ERN1: variants seen among roughly 807,000 people sequenced by gnomAD.
The protein encoded by ERN1 is endoplasmic reticulum to nucleus signaling 1.
A neutral mutation model predicts 113.1 loss-of-function variants in ERN1; 39 were observed. The observed-to-expected ratio is 0.34, with a 90% CI of 0.27 to 0.45. ERN1 has a LOEUF of 0.45. Ranked by LOEUF, ERN1 falls within the 20% of genes least tolerant of loss-of-function variation. The probability of loss-of-function intolerance (pLI) is 1.00; values close to 1 mark genes in which losing one functional copy is unlikely to be tolerated. For synonymous variants in ERN1, 507 were observed against 515.9 expected (o/e 0.98, Z 0.23); for missense variants, 976 against 1,274.8 (o/e 0.77, Z 3.57).
intron 2 of ERN1, among the ~76,000 whole-genome samples, chr17:64,081,509 T>C (rs528635624): frequency 6.6e-6 from 1 of 152,298 alleles, no homozygotes; most frequent in Admixed American, 6.5e-5. Flanking sequence ...AGAGGGCTAA[T>C]AAAATTTTAA....
chr17:64,113,006 C>T (rs893067206), intron 1 of ERN1, among the ~76,000 whole-genome samples: 3 of 152,190 alleles, frequency 2.0e-5, no homozygotes, highest in East Asian at 1.9e-4. Context: ...ATCAGAAGAT[C>T]GGGCCTTAAT....
chr17:64,105,652 C>A (rs1226402992), intron 1 of ERN1, among the ~76,000 whole-genome samples: 1 of 152,076 alleles, frequency 6.6e-6, no homozygotes, highest in Non-Finnish European at 1.5e-5. Flanking sequence ...ATAATCCCAA[C>A]TTTAGTTTTA....
At chr17:64,088,306 A>G (rs1040981095) in intron 2 of ERN1, among the ~76,000 whole-genome samples, 2 of 152,256 alleles carry the variant, frequency 1.3e-5, no homozygotes, top group East Asian at 3.9e-4. Flanking sequence ...TGACCCCCAT[A>G]ACGCAGCAAT....
chr17:64,043,604 A>C lies in ERN1; in HGVS notation c.*384T>G. The C allele has an allele frequency of 6.0e-6, 1 of 167,536 alleles. No individual in the cohort carries two copies. Among genetic ancestry groups the C allele is most frequent in the Non-Finnish European group, 1.3e-5 (1 of 78,564 alleles). 10.4% of individuals were successfully genotyped at this position (167,536 alleles called of 1,614,324 possible). A position where few individuals can be genotyped will look rare whatever the true frequency, so the allele number is the denominator to read the frequency against. On this transcript the variant is annotated 3_prime_UTR_variant, in exon 22 of 22. Transcript: ENST00000433197. ...CTCAGCCTAGCTGTCCCAGCACGCA[A>C]GCAAAATGTACGATTCCCTCCTCTC...
chr17:64,126,402 G>C (rs1284009273), intron 1 of ERN1, among the ~76,000 whole-genome samples: 1 of 152,104 alleles, frequency 6.6e-6, no homozygotes, highest in East Asian at 1.9e-4. Flanking sequence ...GAAAAACGGA[G>C]TCCAAATCTG....
Position 64,044,132 on chromosome 17 carries a change from C to T in ERN1, c.2790G>A (p.Val930=), listed in dbSNP as rs770996053. Residue 930 remains valine, a synonymous_variant, in exon 22 of 22, where the codon GTG becomes GTA. Coordinates refer to ENST00000433197, the MANE Select transcript of ERN1 (RefSeq NM_001433.5). This position sits in a 1 kb window ranked among gnomAD's most constrained non-coding sequence, Gnocchi z 4.1. ...ETLGSLPDDF[V]CYFTSRFPHL... ...GGGGGAAGCGAGATGTGAAGTAGCA[C>T]ACGAAGTCGTCGGGGAGGGACCCCA... 1.9e-6 allele frequency: 3 copies of T among 1,608,610 alleles called. No homozygotes were observed. Among genetic ancestry groups the T allele is most frequent in the East Asian group, 2.2e-5 (1 of 44,632 alleles).
chr17:64,100,292 T>C (rs1330037063), intron 1 of ERN1, among the ~76,000 whole-genome samples: 1 of 152,008 alleles, frequency 6.6e-6, no homozygotes, highest in Non-Finnish European at 1.5e-5. Flanking sequence ...GATGGCTGGA[T>C]TATGTTAGGT....
chr17:64,041,185 A>C lies in ERN1; in HGVS notation c.*2803T>G, dbSNP rs546020979. ...AACAAACGAAAAAACACTGAAATTAAAAAGACTCAAGAAGCAACAAGAGAA... is the reference window on the plus strand; with the variant it reads ...AACAAACGAAAAAACACTGAAATTACAAAGACTCAAGAAGCAACAAGAGAA... On this transcript the variant is annotated 3_prime_UTR_variant, in exon 22 of 22. Coordinates refer to ENST00000433197, the MANE Select transcript of ERN1 (RefSeq NM_001433.5). The C allele has an allele frequency of 6.6e-6, 1 of 152,210 alleles. No homozygotes were observed. The highest frequency in any genetic ancestry group is 1.5e-5 in the Non-Finnish European group (1 of 68,062). 9.4% of individuals were successfully genotyped at this position (152,210 alleles called of 1,614,324 possible). A position where few individuals can be genotyped will look rare whatever the true frequency, so the allele number is the denominator to read the frequency against.
Position 64,049,255 on chromosome 17 carries a change from C to T in ERN1, c.2254-53G>A, listed in dbSNP as rs140686727. On this transcript the variant is annotated intron_variant, in intron 17 of 21. Coordinates refer to ENST00000433197, the MANE Select transcript of ERN1 (RefSeq NM_001433.5). The surrounding 1 kb of genome is among the most constrained non-coding windows in gnomAD (Gnocchi z 4.7). ...TCTGGGAGCAGAGTTTTCATCCTCA[C>T]TCACAGTCAGGGAGGGAGGAGCATT... 28,702 of 1,511,394 alleles carry T rather than the reference C, an allele frequency of 0.019. 352 individuals are homozygous for T. The highest frequency in any genetic ancestry group is 0.054 in the Middle Eastern group (302 of 5,618). 93.6% of individuals were successfully genotyped at this position (1,511,394 alleles called of 1,614,324 possible).
intron 3 of ERN1, 199 bp downstream of exon 3, chr17:64,080,576 C>T (rs1852112203): frequency 1.9e-6 from 1 of 537,828 alleles, no homozygotes; most frequent in South Asian, 2.4e-5. Flanking sequence ...TTTAAAACCA[C>T]TACCCTTCTC....
intron 1 of ERN1, among the ~76,000 whole-genome samples, chr17:64,113,656 C>G (rs191094783): frequency 6.6e-6 from 1 of 150,876 alleles, no homozygotes; most frequent in Non-Finnish European, 1.5e-5. Flanking sequence ...ATTATAGGCA[C>G]GAGTCACCAT....
At chr17:64,053,786 A>G (rs946108435) in intron 15 of ERN1, among the ~76,000 whole-genome samples, 3 of 152,166 alleles carry the variant, frequency 2.0e-5, no homozygotes, top group Non-Finnish European at 4.4e-5. Context: ...AGACATGCCA[A>G]CTGCAAGCAG....
intron 1 of ERN1, among the ~76,000 whole-genome samples, chr17:64,115,724 T>A (rs1914786994): frequency 6.6e-6 from 1 of 152,174 alleles, no homozygotes; most frequent in Non-Finnish European, 1.5e-5. Flanking sequence ...TTGGGGTGAA[T>A]GAAGCTGACA....
In ERN1 at chr17:64,095,515, C is replaced by T. The variant is rs1343652349; in HGVS notation, c.175+2606G>A. Reference sequence around the variant, plus strand: ...TTAAGTGTCTTGTAACTCCTCCTCCCTAGTCAGTCACTAGATTCTACTGAT... The same window carrying T: ...TTAAGTGTCTTGTAACTCCTCCTCCTTAGTCAGTCACTAGATTCTACTGAT... On this transcript the variant is annotated intron_variant, in intron 2 of 21. Transcript: ENST00000433197. Among the ~76,000 whole-genome samples the T allele has an allele frequency of 2.0e-5, 3 of 152,186 alleles. 1 individual carries two copies. In the East Asian group the frequency reaches 5.8e-4, roughly 29 times the overall value.
intron 6 of ERN1, among the ~76,000 whole-genome samples, chr17:64,071,394 GGTA>G (rs1302240892): frequency 6.6e-6 from 1 of 152,118 alleles, no homozygotes; most frequent in Non-Finnish European, 1.5e-5. Context: ...GGGAGCTGCA[GGTA>G]GTTCATCCTA....
chr17:64,045,010 G>A (rs919622217), intron 20 of ERN1, 83 bp from the exon 21 acceptor site: 4 of 1,035,150 alleles, frequency 3.9e-6, no homozygotes, highest in East Asian at 2.6e-5. Context: ...GGGGTCCTGG[G>A]ATTAGGGAGT....
At chr17:64,072,448 T>C (rs1162560724) in intron 5 of ERN1, among the ~76,000 whole-genome samples, 1 of 152,266 alleles carries the variant, frequency 6.6e-6, no homozygotes, top group Non-Finnish European at 1.5e-5. Context: ...CCTTTTCCCG[T>C]GGACTGGGAT....
chr17:64,098,293 G>A (rs1481998039), intron 1 of ERN1, 52 bp from the exon 2 acceptor site: 1 of 1,610,280 alleles, frequency 6.2e-7, no homozygotes, highest in Admixed American at 1.7e-5. Flanking sequence ...TTCACCTTGG[G>A]CATGTACAAT....
intron 5 of ERN1, among the ~76,000 whole-genome samples, chr17:64,073,055 G>T (rs1182863652): frequency 6.6e-6 from 1 of 150,928 alleles, no homozygotes; most frequent in Non-Finnish European, 1.5e-5. Context: ...GCCCAAGGAG[G>T]AGTACAGAGG....
Sources: gnomAD v4.1 joint callset for allele counts (sites outside exome capture counted in the v4.1 genomes callset) on GRCh38, gnomAD v4.1.1 for gene constraint, Gnocchi (gnomAD v3.1) non-coding constraint, MANE v1.5 for transcripts, NCBI Gene and HGNC (gene_info 2026-07-23, HGNC 2026-07-21) for gene names.